RAB3GAP2: variants seen among roughly 807,000 people sequenced by gnomAD.
RAB3GAP2 encodes the protein rab3 GTPase-activating protein non-catalytic subunit.
A neutral mutation model predicts 185.3 loss-of-function variants in RAB3GAP2; 87 were observed. The observed-to-expected ratio is 0.47, with a 90% CI of 0.39 to 0.56. RAB3GAP2 has a LOEUF of 0.56. RAB3GAP2 is among the 20% of genes least tolerant of loss of function. The probability of loss-of-function intolerance (pLI) is 0.00; values close to 1 mark genes in which losing one functional copy is unlikely to be tolerated. For missense variants in RAB3GAP2, 1,492 were observed against 1,638.2 expected, an observed-to-expected ratio of 0.91 and a Z score of 1.54; for synonymous variants, 554 against 576.1, an observed-to-expected ratio of 0.96 and a Z score of 0.55.
At chr1:220,248,136 AT>A (rs1659854285) in intron 1 of RAB3GAP2, among the ~76,000 whole-genome samples, 2 of 151,940 alleles carry the variant, frequency 1.3e-5, no homozygotes, top group African/African-American at 4.8e-5. Context: ...TGCAAAAAAA[AT>A]GAATAAAACT....
In RAB3GAP2 at chr1:220,164,770, T is replaced by C; in HGVS notation, c.3117A>G (p.Glu1039=). 2 of 1,609,160 alleles carry C rather than the reference T, an allele frequency of 1.2e-6. No individual in the cohort carries two copies. Among genetic ancestry groups the C allele is most frequent in the Non-Finnish European group, 1.7e-6 (2 of 1,176,876 alleles). Residue 1039 remains glutamate (E), a synonymous_variant, in exon 27 of 35, where the codon GAA becomes GAG. Coordinates refer to ENST00000358951, the MANE Select transcript of RAB3GAP2 (RefSeq NM_012414.4). Reference sequence around the variant, plus strand: ...GTGCATTAAATATTTGCTTCAAGTGTTCTATTGACCTAACAAAAAAACGTG... The same window carrying C: ...GTGCATTAAATATTTGCTTCAAGTGCTCTATTGACCTAACAAAAAAACGTG... ...EEARFFVRSI[E]HLKQIFNAHV...
chr1:220,268,849 T>C (rs950767474), intron 1 of RAB3GAP2, among the ~76,000 whole-genome samples: 4 of 152,260 alleles, frequency 2.6e-5, no homozygotes, highest in Non-Finnish European at 5.9e-5. Flanking sequence ...TCAATCTGTA[T>C]GTACCTGAGT....
At position 220,167,510 on chromosome 1, in the gene RAB3GAP2, G is replaced by T. The variant is rs377291864; in HGVS notation, c.2972C>A (p.Ala991Asp). Reference sequence around the variant, plus strand: ...CATTATTTGTGTATCACCTGGTATGGCTCCTAAGTCCATCTCCATCTCTGA... The same window carrying T: ...CATTATTTGTGTATCACCTGGTATGTCTCCTAAGTCCATCTCCATCTCTGA... ...EVSEMEMDLG[A>D]IPDLLHLAYE... The change falls in exon 25 of 35, where the codon GCC (alanine) becomes GAC (aspartate). Residue 991 changes from alanine to aspartate, a missense_variant. Coordinates refer to ENST00000358951, the MANE Select transcript of RAB3GAP2 (RefSeq NM_012414.4). 6.2e-7 allele frequency: 1 copy of T among 1,614,002 alleles called. No individual in the cohort carries two copies. Among genetic ancestry groups the T allele is most frequent in the Non-Finnish European group, 8.5e-7 (1 of 1,179,972 alleles).
chr1:220,251,759 C>T (rs1254127438), intron 1 of RAB3GAP2, among the ~76,000 whole-genome samples: 2 of 152,158 alleles, frequency 1.3e-5, no homozygotes, highest in Non-Finnish European at 2.9e-5. Flanking sequence ...ACTGTTCTTA[C>T]AGCAAAAATA....
At chr1:220,166,179 A>C (rs982706308) in intron 26 of RAB3GAP2, among the ~76,000 whole-genome samples, 1 of 152,186 alleles carries the variant, frequency 6.6e-6, no homozygotes, top group South Asian at 2.1e-4. Context: ...TCAAGGTTTA[A>C]TTGATCAAAG....
intron 1 of RAB3GAP2, among the ~76,000 whole-genome samples, chr1:220,244,044 T>C (rs752731111): frequency 5.3e-5 from 8 of 152,190 alleles, no homozygotes; most frequent in Non-Finnish European, 1.2e-4. Context: ...AACATAGTAC[T>C]GGAAGTCCTC....
intron 1 of RAB3GAP2, among the ~76,000 whole-genome samples, chr1:220,248,614 G>GT (rs201607286): frequency 0.11 from 16,368 of 144,184 alleles, 1,396 homozygotes; most frequent in African/African-American, 0.25. Flanking sequence ...ATTTGGTTTG[G>GT]TTTTTTTTTT....
Position 220,154,069 on chromosome 1 carries a change from G to A in RAB3GAP2, c.3556-12C>T. The A allele has an allele frequency of 6.2e-7, 1 of 1,612,922 alleles. No individual in the cohort carries two copies. The highest frequency in any genetic ancestry group is 8.5e-7 in the Non-Finnish European group (1 of 1,179,526). ...AATGCATTTTTTCCCTAAAAAGAAAGAGAGCAAGAAAACTGATGAGTGTGG... is the reference window on the plus strand; with the variant it reads ...AATGCATTTTTTCCCTAAAAAGAAAAAGAGCAAGAAAACTGATGAGTGTGG... On this transcript the variant is annotated splice_polypyrimidine_tract_variant and intron_variant, in intron 31 of 34. Coordinates refer to ENST00000358951, the MANE Select transcript of RAB3GAP2 (RefSeq NM_012414.4).
At chr1:220,172,401 G>A (rs1658195330) in intron 22 of RAB3GAP2, among the ~76,000 whole-genome samples, 1 of 152,076 alleles carries the variant, frequency 6.6e-6, no homozygotes, top group African/African-American at 2.4e-5. Context: ...ACTGAGTTAA[G>A]ATGTATTGTT....
rs1021545134 is a variant in RAB3GAP2, at chr1:220,190,448, A to G, written c.1560T>C (p.Tyr520=). 7 of 1,613,108 alleles carry G rather than the reference A, an allele frequency of 4.3e-6. No homozygotes were observed. The African/African-American group carries it at 8.0e-5, about 18-fold the overall frequency. ...ACACTGGATCAACCAGACAGATCTG[A>G]TAAGTCTGTGGCTGCCAACTCTGAC... ...VTSQSWQPQT[Y]QICLVDPVSG... The change falls in exon 15 of 35, where the codon TAT becomes TAC. Residue 520 remains tyrosine, a synonymous_variant. Transcript: ENST00000358951.
At position 220,204,460 on chromosome 1, in the gene RAB3GAP2, T is replaced by A. The variant is rs149158714; in HGVS notation, c.712+1447A>T. ...ATTTAATAAACTAGAAATAGACAAT[T>A]ATTTTATATTCGGTATTATCAGCCA... is the stretch of plus-strand genomic sequence containing the variant. On this transcript the variant is annotated intron_variant, in intron 8 of 34. Transcript: ENST00000358951. Among the ~76,000 whole-genome samples the A allele has an allele frequency of 1.5e-3, 228 of 152,258 alleles. 2 individuals are homozygous for A. Among genetic ancestry groups the A allele is most frequent in the African/African-American group, 5.4e-3 (224 of 41,562 alleles).
chr1:220,164,478 T>G (rs538547805), intron 27 of RAB3GAP2, among the ~76,000 whole-genome samples: 123 of 147,172 alleles, frequency 8.4e-4, no homozygotes, highest in East Asian at 5.7e-3. Flanking sequence ...GTTTTGTTTT[T>G]TTTTTTTTTT....
intron 1 of RAB3GAP2, 121 bp from the exon 2 acceptor site, chr1:220,232,984 A>G: frequency 1.3e-6 from 1 of 785,270 alleles, no homozygotes; most frequent in Non-Finnish European, 2.2e-6. Context: ...GAAAGAAAAT[A>G]AGGGTAAACT....
intron 1 of RAB3GAP2, among the ~76,000 whole-genome samples, chr1:220,241,631 C>T (rs1428186160): frequency 6.6e-6 from 1 of 151,994 alleles, no homozygotes; most frequent in African/African-American, 2.4e-5. Context: ...GAGAAGCTGC[C>T]TCTTATATTC....
intron 9 of RAB3GAP2, 61 bp downstream of exon 9, chr1:220,202,215 G>A: frequency 6.5e-7 from 1 of 1,536,470 alleles, no homozygotes; most frequent in Non-Finnish European, 8.9e-7. Context: ...TAATAAATGA[G>A]ATACTTCAAT....
At chr1:220,184,813 C>T (rs1036017813) in intron 18 of RAB3GAP2, among the ~76,000 whole-genome samples, 5 of 151,768 alleles carry the variant, frequency 3.3e-5, no homozygotes, top group East Asian at 1.9e-4. Flanking sequence ...AAGTATACCA[C>T]GCTTTTTAAA....
chr1:220,190,557 G>C, intron 14 of RAB3GAP2, 37 bp from the exon 15 acceptor site: 1 of 1,553,946 alleles, frequency 6.4e-7, no homozygotes, highest in Non-Finnish European at 8.9e-7. Flanking sequence ...AAAAATATTA[G>C]AACAAGGAGA....
At chr1:220,234,118 G>A (rs1380667988) in intron 1 of RAB3GAP2, among the ~76,000 whole-genome samples, 2 of 152,164 alleles carry the variant, frequency 1.3e-5, no homozygotes, top group African/African-American at 4.8e-5. Context: ...ATAAAGGCAT[G>A]GAAAACATGA....
At position 220,196,193 on chromosome 1, in the gene RAB3GAP2, T is replaced by C. The variant is rs375479798; in HGVS notation, c.960+57A>G. The stretch of plus-strand genomic sequence containing the variant: ...TAAGCAAGTTACCATATCCAATTTG[T>C]AGACAAATTGTAAAATCAAGAGCAG... On this transcript the variant is annotated intron_variant, in intron 10 of 34. Coordinates refer to ENST00000358951, the MANE Select transcript of RAB3GAP2 (RefSeq NM_012414.4). 3.0e-4 allele frequency: 472 copies of C among 1,569,166 alleles called. 3 individuals carry two copies. In the African/African-American group the frequency reaches 5.8e-3, roughly 19 times the overall value.
Sources: gnomAD v4.1 joint callset for allele counts (sites outside exome capture counted in the v4.1 genomes callset) on GRCh38, gnomAD v4.1.1 for gene constraint, MANE v1.5 for transcripts, NCBI Gene and HGNC (gene_info 2026-07-23, HGNC 2026-07-21) for gene names.